The following FBXO4 variants were observed in gnomAD, a reference collection of about 807,000 sequenced individuals.
The protein encoded by FBXO4 is F-box only protein 4.
FBXO4 carries 36 observed loss-of-function variants against 43.7 expected under a neutral mutation model. The observed-to-expected ratio is 0.82, with a 90% confidence interval of 0.63 to 1.09. The LOEUF (loss-of-function observed/expected upper bound fraction) is 1.09. Among genes scored for constraint, FBXO4 ranks in the 50% least tolerant of loss-of-function variants. The pLI is 0.00. For synonymous variants in FBXO4, 180 were observed against 165.6 expected (o/e 1.09, Z -0.67); for missense variants, 435 against 474.1 (o/e 0.92, Z 0.77).
At chr5:41,959,785 T>C in the FBXO4 span, among the ~76,000 whole-genome samples, 1 of 152,192 alleles carries the variant, frequency 6.6e-6, no homozygotes, top group East Asian at 1.9e-4. Flanking sequence ...GATTTTGAAA[T>C]AAGGTAGTGT....
intron 2 of FBXO4, 100 bp downstream of exon 2, chr5:41,927,348 G>A (rs1751540844): frequency 1.0e-5 from 9 of 870,224 alleles, no homozygotes; most frequent in Non-Finnish European, 3.5e-6. Context: ...GATTTGTTGC[G>A]TGGATTTGGG....
the FBXO4 span, among the ~76,000 whole-genome samples, chr5:42,025,022 A>G: frequency 1.3e-5 from 2 of 152,090 alleles, no homozygotes; most frequent in Admixed American, 6.6e-5. Flanking sequence ...GGGAGTGCAG[A>G]TATCTCTTCA....
the FBXO4 span, among the ~76,000 whole-genome samples, chr5:42,002,963 T>A: frequency 6.6e-6 from 1 of 152,220 alleles, no homozygotes; most frequent in Non-Finnish European, 1.5e-5. Flanking sequence ...AGATTGTATT[T>A]CTATAATGGC....
chr5:41,936,915 A>G (rs898696142), intron 5 of FBXO4, among the ~76,000 whole-genome samples: 2 of 151,142 alleles, frequency 1.3e-5, no homozygotes, highest in African/African-American at 4.9e-5. Context: ...TTTTTTTTTT[A>G]CAATCACTTA....
the FBXO4 span, among the ~76,000 whole-genome samples, chr5:42,004,545 A>T: frequency 2.2e-4 from 33 of 152,308 alleles, no homozygotes; most frequent in Non-Finnish European, 3.4e-4. Flanking sequence ...AATACATGTA[A>T]GTTTAAAAAT....
At chr5:42,037,776 C>T in the FBXO4 span, among the ~76,000 whole-genome samples, 1 of 152,074 alleles carries the variant, frequency 6.6e-6, no homozygotes. Flanking sequence ...TGCTTTCATC[C>T]TCCTAACCCC....
the FBXO4 span, among the ~76,000 whole-genome samples, chr5:41,998,881 CTT>C: frequency 0.015 from 2,297 of 152,216 alleles, 76 homozygotes; most frequent in African/African-American, 0.053. Context: ...TCAGGTAAAT[CTT>C]AGCACATTTG....
the FBXO4 span, among the ~76,000 whole-genome samples, chr5:42,008,116 A>G: frequency 6.6e-6 from 1 of 152,182 alleles, no homozygotes; most frequent in African/African-American, 2.4e-5. Context: ...GAATCCAGAG[A>G]AAGTTGAGTC....
the FBXO4 span, among the ~76,000 whole-genome samples, chr5:42,008,575 A>C: frequency 6.6e-6 from 1 of 152,184 alleles, no homozygotes; most frequent in Non-Finnish European, 1.5e-5. Context: ...TAACTAAGTA[A>C]GAGTCATAGG....
chr5:42,031,466 G>A, the FBXO4 span, among the ~76,000 whole-genome samples: 1 of 146,960 alleles, frequency 6.8e-6, no homozygotes, highest in African/African-American at 2.5e-5. Flanking sequence ...TTGTGGAGTG[G>A]GGGGAGGGGG....
rs771421642 is a variant in FBXO4, at chr5:41,927,181, G to C, written c.358G>C (p.Asp120His). 1 of 1,613,716 alleles carries C rather than the reference G, an allele frequency of 6.2e-7. No individual in the cohort carries two copies. Among genetic ancestry groups the C allele is most frequent in the Non-Finnish European group, 8.5e-7 (1 of 1,179,914 alleles). The change falls in exon 2 of 7, where the codon GAT becomes CAT. Residue 120 changes from aspartate (D) to histidine (H), a missense_variant. Physicochemically the swap from Asp to His is moderately conservative, Grantham distance 81 (BLOSUM62 -1). Coordinates refer to ENST00000281623, the MANE Select transcript of FBXO4 (RefSeq NM_012176.3). ...TTCTGTTGACTGGAAGTCTCTTCCA[G>C]ATCTAGAAATCTTAAAAAAGCCTAT... ...WSSVDWKSLPDLEILKKPISE... is the reference protein window; with the variant it reads ...WSSVDWKSLPHLEILKKPISE...
At chr5:41,967,661 G>A in the FBXO4 span, 1 of 730,002 alleles carries the variant, frequency 1.4e-6, no homozygotes, top group Admixed American at 1.9e-5. Context: ...CACACTGCAT[G>A]GAGTAGCTGG....
chr5:41,963,195 ATATATATAC>A, the FBXO4 span, among the ~76,000 whole-genome samples: 1 of 151,870 alleles, frequency 6.6e-6, no homozygotes, highest in African/African-American at 2.4e-5. Flanking sequence ...CACATATATA[ATATATATAC>A]TATATATACA....
chr5:42,002,824 G>T, the FBXO4 span, among the ~76,000 whole-genome samples: 48 of 152,226 alleles, frequency 3.2e-4, no homozygotes, highest in East Asian at 8.7e-3. Context: ...AAATGAATAG[G>T]CTCAGATAAT....
chr5:41,933,923 G>A (rs769722567), intron 3 of FBXO4, 23 bp from the exon 4 acceptor site: 6 of 1,583,444 alleles, frequency 3.8e-6, no homozygotes, highest in Middle Eastern at 4.2e-4. Context: ...ATTTGTTTTG[G>A]TAACTGTGAT....
At chr5:42,019,701 A>G in the FBXO4 span, among the ~76,000 whole-genome samples, 2 of 121,354 alleles carry the variant, frequency 1.6e-5, no homozygotes, top group Admixed American at 1.5e-4. Flanking sequence ...TCTCAAAAAA[A>G]AAAAAACCAA....
chr5:41,940,889 G>A (rs1751988230), intron 6 of FBXO4, among the ~76,000 whole-genome samples: 1 of 152,176 alleles, frequency 6.6e-6, no homozygotes, highest in Non-Finnish European at 1.5e-5. Flanking sequence ...AGTTTTCAAA[G>A]TGGATCCTTT....
chr5:41,993,617 G>GGA, the FBXO4 span, among the ~76,000 whole-genome samples: 1 of 93,278 alleles, frequency 1.1e-5, no homozygotes, highest in African/African-American at 6.2e-5. Context: ...AGAACTAATA[G>GGA]GATATATATA....
chr5:41,969,873 A>G, the FBXO4 span, among the ~76,000 whole-genome samples: 3 of 152,108 alleles, frequency 2.0e-5, no homozygotes, highest in Non-Finnish European at 4.4e-5. Context: ...GTGTGTTGTG[A>G]AAAAAAGGTG....
Sources: gnomAD v4.1 joint callset for allele counts (sites outside exome capture counted in the v4.1 genomes callset) on GRCh38, gnomAD v4.1.1 for gene constraint, MANE v1.5 for transcripts, NCBI Gene and HGNC (gene_info 2026-07-23, HGNC 2026-07-21) for gene names.